The following DCC variants were observed in gnomAD, a reference collection of about 807,000 sequenced individuals.
DCC encodes netrin receptor DCC.
A neutral mutation model predicts 172.5 loss-of-function variants in DCC; 58 were observed. The observed-to-expected ratio is 0.34, with a 90% CI of 0.27 to 0.42. DCC has a LOEUF of 0.42. Ranked by LOEUF, DCC falls within the 10% of genes least tolerant of loss-of-function variation. The pLI is 1.00. For missense variants in DCC, 1,740 were observed against 1,791.0 expected, an observed-to-expected ratio of 0.97 and a Z score of 0.51; for synonymous variants, 709 against 644.5, an observed-to-expected ratio of 1.10 and a Z score of -1.52.
At chr18:53,146,665 A>G (rs2043920730) in intron 7 of DCC, among the ~76,000 whole-genome samples, 2 of 152,212 alleles carry the variant, frequency 1.3e-5, no homozygotes, top group African/African-American at 4.8e-5. Flanking sequence ...ACTTTATTCA[A>G]GAAAAAAAAG....
chr18:53,066,075 G>A lies in DCC; in HGVS notation c.1170G>A (p.Val390=), dbSNP rs1357206848. Reference sequence around the variant, plus strand: ...GAAGCAACTTACGGATACTTGGGGTGGTGAAGTCAGATGAAGGCTTTTATC... The same window carrying A: ...GAAGCAACTTACGGATACTTGGGGTAGTGAAGTCAGATGAAGGCTTTTATC... ...VGGSNLRILG[V]VKSDEGFYQC... The change falls in exon 7 of 29, where the codon GTG becomes GTA. Residue 390 remains valine, a synonymous_variant. Transcript: ENST00000442544. 2.5e-6 allele frequency: 4 copies of A among 1,613,278 alleles called. No individual in the cohort carries two copies.
intron 1 of DCC, among the ~76,000 whole-genome samples, chr18:52,662,881 A>G (rs1046087234): frequency 4.6e-5 from 7 of 152,120 alleles, no homozygotes; most frequent in African/African-American, 1.7e-4. Context: ...GGTGGAAGTG[A>G]CAATGCAACT....
intron 12 of DCC, among the ~76,000 whole-genome samples, chr18:53,284,178 G>A (rs569513826): frequency 6.6e-6 from 1 of 152,086 alleles, no homozygotes; most frequent in South Asian, 2.1e-4. Flanking sequence ...GTTTTGCCCT[G>A]TAGTTCTGTT....
intron 1 of DCC, among the ~76,000 whole-genome samples, chr18:52,424,367 C>T (rs1448704260): frequency 6.6e-6 from 1 of 152,104 alleles, no homozygotes; most frequent in Non-Finnish European, 1.5e-5. Flanking sequence ...AAAGTTCAAG[C>T]TCACAACCAG....
chr18:53,014,709 G>C (rs140400970), intron 5 of DCC, among the ~76,000 whole-genome samples: 1 of 151,996 alleles, frequency 6.6e-6, no homozygotes, highest in Non-Finnish European at 1.5e-5. Flanking sequence ...GAAGGCTCAC[G>C]TGTTCAAGTC....
At chr18:52,580,704 G>C (rs2033525207) in intron 1 of DCC, among the ~76,000 whole-genome samples, 1 of 152,194 alleles carries the variant, frequency 6.6e-6, no homozygotes, top group Non-Finnish European at 1.5e-5. Context: ...ACACCAGCTA[G>C]AGCAGCACTG....
At chr18:53,427,941 T>C (rs1333168911) in intron 21 of DCC, among the ~76,000 whole-genome samples, 2 of 55,738 alleles carry the variant, frequency 3.6e-5, no homozygotes, top group Non-Finnish European at 7.6e-5. Flanking sequence ...TAATATAATA[T>C]ATTATAATAT....
At chr18:53,447,399 C>A (rs1740125558) in intron 22 of DCC, among the ~76,000 whole-genome samples, 1 of 152,144 alleles carries the variant, frequency 6.6e-6, no homozygotes, top group Non-Finnish European at 1.5e-5. Flanking sequence ...TAAAGGCCTG[C>A]AGTCAAAGAT....
intron 12 of DCC, among the ~76,000 whole-genome samples, chr18:53,287,646 T>C (rs1047117451): frequency 5.3e-5 from 8 of 152,136 alleles, no homozygotes; most frequent in African/African-American, 1.9e-4. Context: ...GAAGATTCCA[T>C]TTTTTTCACA....
intron 5 of DCC, among the ~76,000 whole-genome samples, chr18:52,953,022 A>AAAC (rs2040681216): frequency 6.6e-6 from 1 of 150,994 alleles, no homozygotes; most frequent in East Asian, 1.9e-4. Flanking sequence ...AAAAAAAAAA[A>AAAC]AAAAAACTCA....
intron 12 of DCC, among the ~76,000 whole-genome samples, chr18:53,255,530 CA>C (rs1202386522): frequency 6.6e-6 from 1 of 151,942 alleles, no homozygotes; most frequent in African/African-American, 2.4e-5. Context: ...CATGTCCCTA[CA>C]AAGGACATGA....
intron 1 of DCC, among the ~76,000 whole-genome samples, chr18:52,732,601 T>G (rs537334190): frequency 2.0e-5 from 3 of 152,152 alleles, no homozygotes; most frequent in South Asian, 4.1e-4. Flanking sequence ...TCCATAAAGC[T>G]AAAAATAGTT....
At chr18:53,206,429 A>G (rs1164869829) in intron 10 of DCC, among the ~76,000 whole-genome samples, 1 of 118,158 alleles carries the variant, frequency 8.5e-6, no homozygotes, top group African/African-American at 3.2e-5. Context: ...ATATGTATAT[A>G]TGTATATATA....
In DCC at chr18:52,963,121, T is replaced by TA. The variant is rs201071419; in HGVS notation, c.985+37759dup. Reference sequence around the variant, plus strand: ...TATAATTATAATAAAATTAAAAAAATAAAAAAAAGTGAATTAAGACTCCAG... The same window carrying TA: ...TATAATTATAATAAAATTAAAAAAATAAAAAAAAAGTGAATTAAGACTCCAG... On this transcript the variant is annotated intron_variant, in intron 5 of 28. Coordinates refer to ENST00000442544, the MANE Select transcript of DCC (RefSeq NM_005215.4). Among the ~76,000 whole-genome samples the TA allele has an allele frequency of 4.3e-3, 649 of 151,214 alleles. 2 individuals are homozygous for TA. Among genetic ancestry groups the TA allele is most frequent in the Non-Finnish European group, 6.9e-3 (469 of 67,800 alleles).
rs1296947494 is a variant in DCC at position 52,486,784 on chromosome 18, TC to T, written c.91+145907del. Among the ~76,000 whole-genome samples, 12 of 152,166 alleles carry T rather than the reference TC, an allele frequency of 7.9e-5. No homozygotes were observed. The South Asian group carries it at 1.0e-3, about 13-fold the overall frequency. ...AGCTTTAATAAATAATGGGGTTGAT[TC>T]TGCCCAATGACAGATGTGTGTAATT... On this transcript the variant is annotated intron_variant, in intron 1 of 28. Transcript: ENST00000442544.
At chr18:52,781,778 A>G (rs2037549167) in intron 2 of DCC, among the ~76,000 whole-genome samples, 1 of 151,804 alleles carries the variant, frequency 6.6e-6, no homozygotes, top group African/African-American at 2.4e-5. Context: ...TCTTAAAAGC[A>G]TTAAATTTTT....
chr18:52,505,926 T>G (rs1473378171), intron 1 of DCC, among the ~76,000 whole-genome samples: 1 of 152,176 alleles, frequency 6.6e-6, no homozygotes, highest in Non-Finnish European at 1.5e-5. Context: ...AAAAAGGTCG[T>G]TTATAAAAAT....
rs540601874 is a variant in DCC, at chr18:52,489,045, G to A, written c.91+148167G>A. Among the ~76,000 whole-genome samples the A allele has an allele frequency of 2.0e-5, 3 of 151,916 alleles. No homozygotes were observed. In the South Asian group the frequency reaches 6.2e-4, roughly 32 times the overall value. The stretch of plus-strand genomic sequence containing the variant: ...ATTAAAGTTTCCTGATACACACATC[G>A]ATCTCCTACTCTCTGTCAACCCTTT... On this transcript the variant is annotated intron_variant, in intron 1 of 28. Coordinates refer to ENST00000442544, the MANE Select transcript of DCC (RefSeq NM_005215.4).
intron 2 of DCC, among the ~76,000 whole-genome samples, chr18:52,823,204 CACACCTAT>C (rs2038441380): frequency 6.6e-6 from 1 of 152,068 alleles, no homozygotes; most frequent in South Asian, 2.1e-4. Flanking sequence ...CTTTGTGGCT[CACACCTAT>C]AAACCCAGTA....
Sources: gnomAD v4.1 joint callset for allele counts (sites outside exome capture counted in the v4.1 genomes callset) on GRCh38, gnomAD v4.1.1 for gene constraint, MANE v1.5 for transcripts, NCBI Gene and HGNC (gene_info 2026-07-23, HGNC 2026-07-21) for gene names.